The following PAK5 variants were observed in gnomAD, a reference collection of about 807,000 sequenced individuals.
PAK5 encodes the protein p21 (RAC1) activated kinase 5, also known as serine/threonine-protein kinase PAK 5.
PAK5 carries 16 observed loss-of-function variants against 65.9 expected under a neutral mutation model. The ratio of observed to expected loss-of-function variants is 0.24; its 90% CI spans 0.16 to 0.37. PAK5 has a LOEUF of 0.37. PAK5 is among the 10% of genes least tolerant of loss of function. The probability of loss-of-function intolerance (pLI) is 1.00; values close to 1 mark genes in which losing one functional copy is unlikely to be tolerated. For missense variants in PAK5, 785 were observed against 903.9 expected (o/e 0.87, Z 1.69); for synonymous variants, 371 against 354.9 (o/e 1.05, Z -0.51).
At chr20:9,642,081 G>A (rs968484274) in intron 3 of PAK5, among the ~76,000 whole-genome samples, 4 of 152,234 alleles carry the variant, frequency 2.6e-5, no homozygotes, top group African/African-American at 9.6e-5. Context: ...TGCCACCAAA[G>A]TGGGAGCCCA....
At chr20:9,760,972 G>C (rs747099445) in intron 1 of PAK5, among the ~76,000 whole-genome samples, 101 of 151,948 alleles carry the variant, frequency 6.6e-4, no homozygotes, top group Non-Finnish European at 1.3e-3. Context: ...AAATTACAGG[G>C]CCTGTTCTAA....
At chr20:9,662,085 C>T (rs2047354608) in intron 2 of PAK5, among the ~76,000 whole-genome samples, 1 of 152,098 alleles carries the variant, frequency 6.6e-6, no homozygotes, top group African/African-American at 2.4e-5. Context: ...AATTTTGGCA[C>T]TGGAATTTTA....
chr20:9,765,138 A>G (rs1210226455), intron 1 of PAK5, among the ~76,000 whole-genome samples: 2 of 152,212 alleles, frequency 1.3e-5, no homozygotes, highest in Non-Finnish European at 2.9e-5. Context: ...TTGCTAAATC[A>G]TTGCATGAAG....
At position 9,735,991 on chromosome 20, in the gene PAK5, T is replaced by A. The variant is rs961192735; in HGVS notation, c.-161-24556A>T. ...ATCTTGGCTCACCACAACTTCCAACTCCCAGGTTCAAGTGATTCTCCTGCC... is the reference window on the plus strand; with the variant it reads ...ATCTTGGCTCACCACAACTTCCAACACCCAGGTTCAAGTGATTCTCCTGCC... On this transcript the variant is annotated intron_variant, in intron 1 of 9. Transcript: ENST00000353224. Among the ~76,000 whole-genome samples the A allele has an allele frequency of 1.0e-4, 15 of 150,436 alleles. 1 individual carries two copies. Among genetic ancestry groups the A allele is most frequent in the Admixed American group, 9.3e-4 (14 of 15,048 alleles).
chr20:9,620,348 A>G (rs1226353777), intron 3 of PAK5, among the ~76,000 whole-genome samples: 3 of 152,254 alleles, frequency 2.0e-5, no homozygotes, highest in Admixed American at 6.5e-5. Context: ...ATTTGAATTC[A>G]GGTCTCTTCA....
intron 1 of PAK5, among the ~76,000 whole-genome samples, chr20:9,797,865 C>T (rs993966184): frequency 6.6e-6 from 1 of 151,614 alleles, no homozygotes; most frequent in African/African-American, 2.4e-5. Flanking sequence ...AAGGTTTGTG[C>T]TAGATATAAA....
At chr20:9,540,509 G>A (rs558025909) in intron 9 of PAK5, among the ~76,000 whole-genome samples, 2 of 150,604 alleles carry the variant, frequency 1.3e-5, no homozygotes, top group African/African-American at 4.9e-5. Flanking sequence ...ACTCAGTGTT[G>A]TATCTGTGAG....
At chr20:9,817,817 A>G (rs552944552) in intron 1 of PAK5, among the ~76,000 whole-genome samples, 1 of 152,152 alleles carries the variant, frequency 6.6e-6, no homozygotes, top group African/African-American at 2.4e-5. Flanking sequence ...CACACACTCT[A>G]TGATTTATGT....
chr20:9,606,272 C>T (rs1381273446), intron 3 of PAK5, among the ~76,000 whole-genome samples: 1 of 152,202 alleles, frequency 6.6e-6, no homozygotes, highest in Non-Finnish European at 1.5e-5. Context: ...GATGTATCTG[C>T]TCCACCTCTG....
intron 2 of PAK5, among the ~76,000 whole-genome samples, chr20:9,665,873 T>C (rs1237416663): frequency 6.6e-6 from 1 of 152,064 alleles, no homozygotes; most frequent in African/African-American, 2.4e-5. Flanking sequence ...GAAATGGTGA[T>C]AATTAGAAGA....
At chr20:9,545,827 C>T (rs938691454) in intron 7 of PAK5, among the ~76,000 whole-genome samples, 1 of 152,104 alleles carries the variant, frequency 6.6e-6, no homozygotes, top group Non-Finnish European at 1.5e-5. Flanking sequence ...GACCCCTTTC[C>T]TATCAGTCCT....
intron 5 of PAK5, among the ~76,000 whole-genome samples, chr20:9,563,950 T>C (rs1230651517): frequency 1.3e-5 from 2 of 152,186 alleles, no homozygotes; most frequent in Non-Finnish European, 2.9e-5. Context: ...AGTGCATTTG[T>C]ACAGTGCCTG....
At chr20:9,565,714 T>C (rs566669224) in intron 5 of PAK5, among the ~76,000 whole-genome samples, 179 bp downstream of exon 5, 1 of 152,198 alleles carries the variant, frequency 6.6e-6, no homozygotes, top group South Asian at 2.1e-4. Flanking sequence ...ACTTTATAGA[T>C]GTAACAGCCA....
At chr20:9,837,890 T>C (rs1174952830) in intron 1 of PAK5, among the ~76,000 whole-genome samples, 1 of 152,188 alleles carries the variant, frequency 6.6e-6, no homozygotes, top group African/African-American at 2.4e-5. Context: ...AAGACCACCA[T>C]AAATAGCCTC....
rs547699404 is a variant in PAK5, at chr20:9,819,463, C to T, written c.-162+19299G>A. ...AATCAGTCCAGTAAATTAGGGCCAACGAACCTGTGACCAGAGAAATTTCAC... is the reference window on the plus strand; with the variant it reads ...AATCAGTCCAGTAAATTAGGGCCAATGAACCTGTGACCAGAGAAATTTCAC... On this transcript the variant is annotated intron_variant, in intron 1 of 9. Coordinates refer to ENST00000353224, the MANE Select transcript of PAK5 (RefSeq NM_177990.4). Among the ~76,000 whole-genome samples, 10 of 152,220 alleles carry T rather than the reference C, an allele frequency of 6.6e-5. No homozygotes were observed. In the South Asian group the frequency reaches 1.2e-3, roughly 19 times the overall value.
At chr20:9,713,248 G>A (rs1313932664) in intron 1 of PAK5, among the ~76,000 whole-genome samples, 1 of 151,940 alleles carries the variant, frequency 6.6e-6, no homozygotes, top group Non-Finnish European at 1.5e-5. Flanking sequence ...ATGTCCAACA[G>A]GTGTTTGAAA....
At chr20:9,672,540 A>G (rs936591648) in intron 2 of PAK5, among the ~76,000 whole-genome samples, 6 of 151,758 alleles carry the variant, frequency 4.0e-5, no homozygotes, top group African/African-American at 1.5e-4. Flanking sequence ...TCCCCTGTAC[A>G]CGCTCTCCTG....
intron 2 of PAK5, among the ~76,000 whole-genome samples, chr20:9,698,800 G>A (rs892246013): frequency 4.6e-5 from 7 of 152,112 alleles, no homozygotes; most frequent in Non-Finnish European, 8.8e-5. Flanking sequence ...AAGTACCTTT[G>A]ATTTTGACCA....
intron 3 of PAK5, among the ~76,000 whole-genome samples, chr20:9,635,424 T>G (rs113634785): frequency 2.2e-3 from 335 of 152,282 alleles, no homozygotes; most frequent in African/African-American, 7.3e-3. Flanking sequence ...AAGTGCCCCG[T>G]GCCATCCAAT....
Sources: allele counts gnomAD v4.1 joint callset (sites outside exome capture counted in the v4.1 genomes callset), GRCh38; gene constraint gnomAD v4.1.1; transcripts MANE v1.5; gene names NCBI Gene and HGNC (gene_info 2026-07-23, HGNC 2026-07-21).